The following THBS2 variants were observed in gnomAD, a reference collection of about 807,000 sequenced individuals.
The protein encoded by THBS2 is thrombospondin-2.
Under a neutral mutation model 135.2 loss-of-function variants are expected in THBS2, and 47 were observed. That is an observed-to-expected ratio of 0.35 (90% CI 0.28 to 0.44). The LOEUF is 0.44. Among genes scored for constraint, THBS2 ranks in the 20% least tolerant of loss-of-function variants. THBS2 has a pLI of 1.00. For synonymous variants in THBS2, 639 were observed against 633.8 expected, an observed-to-expected ratio of 1.01 and a Z score of -0.12; for missense variants, 1,288 against 1,603.1, an observed-to-expected ratio of 0.80 and a Z score of 3.36.
intron 9 of THBS2, among the ~76,000 whole-genome samples, chr6:169,235,315 C>G (rs1165289868): frequency 6.6e-6 from 1 of 152,034 alleles, no homozygotes; most frequent in Non-Finnish European, 1.5e-5. Flanking sequence ...AGCCACCGTG[C>G]CCGGCCCCAC....
intron 21 of THBS2, among the ~76,000 whole-genome samples, chr6:169,218,588 T>G (rs1410994221): frequency 1.1e-4 from 8 of 71,496 alleles, no homozygotes; most frequent in South Asian, 5.0e-4. Flanking sequence ...ATGGATGAGA[T>G]GGGTGGGTGT....
chr6:169,244,001 G>A (rs1353431868), intron 4 of THBS2, among the ~76,000 whole-genome samples: 1 of 152,084 alleles, frequency 6.6e-6, no homozygotes, highest in African/African-American at 2.4e-5. Context: ...TGAAGAAGAA[G>A]TCTTTGTTGT....
chr6:169,241,687 G>C lies in THBS2; in HGVS notation c.891+75C>G. On this transcript the variant is annotated intron_variant, in intron 5 of 21. Coordinates refer to ENST00000617924, the MANE Select transcript of THBS2 (RefSeq NM_003247.5). The surrounding 1 kb of genome is among the most constrained non-coding windows in gnomAD (Gnocchi z 5.5). ...AGGCACTGCCAAGCCAGGGAATGTT[G>C]ATACCTGCTGAGATGGGCCAGCGGC... 1 of 1,454,206 alleles carries C rather than the reference G, an allele frequency of 6.9e-7. No homozygotes were observed. Among genetic ancestry groups the C allele is most frequent in the African/African-American group, 1.4e-5 (1 of 71,542 alleles). The allele number at this position is 1,454,206 out of a possible 1,614,324, so 90.1% of individuals were successfully genotyped here.
chr6:169,242,857 C>A (rs1356935907), intron 4 of THBS2, among the ~76,000 whole-genome samples: 4 of 83,968 alleles, frequency 4.8e-5, no homozygotes, highest in Admixed American at 1.3e-4. Context: ...CTGCTCCCAC[C>A]TTCCCACCTT....
At chr6:169,240,113 T>C (rs999903637) in intron 6 of THBS2, among the ~76,000 whole-genome samples, 2 of 152,170 alleles carry the variant, frequency 1.3e-5, no homozygotes, top group Non-Finnish European at 2.9e-5. Flanking sequence ...CCCCCAAACG[T>C]TTCTGCTGAG....
At chr6:169,228,067 TC>T in intron 15 of THBS2, 54 bp downstream of exon 15, 1 of 1,512,708 alleles carries the variant, frequency 6.6e-7, no homozygotes, top group East Asian at 2.3e-5. Context: ...ATAGTGAAAC[TC>T]CATCTCAAAA....
Position 169,237,182 on chromosome 6 carries a change from C to A in THBS2, c.1465G>T (p.Ala489Ser). Reference sequence around the variant, plus strand: ...TCACCGTACTTACTTGGGCATGGGGCGCCCTGGCAGGCTTTGGTCTCCCGG... The same window carrying A: ...TCACCGTACTTACTTGGGCATGGGGAGCCCTGGCAGGCTTTGGTCTCCCGG... ...SGRETKACQG[A>S]PCPIDGRWSP... is the part of the protein sequence containing the mutation. The change falls in exon 9 of 22, where the codon GCC becomes TCC. Residue 489 changes from alanine (A) to serine (S), a missense_variant. Physicochemically the swap from Ala to Ser is moderately conservative, Grantham distance 99 (BLOSUM62 1). Around this residue, in one of 2 missense-constraint regions of THBS2, gnomAD observed 874 missense variants for 1,156.1 expected, o/e 0.76. Coordinates refer to ENST00000617924, the MANE Select transcript of THBS2 (RefSeq NM_003247.5). The A allele has an allele frequency of 6.2e-7, 1 of 1,607,116 alleles. No individual in the cohort carries two copies. Among genetic ancestry groups the A allele is most frequent in the Non-Finnish European group, 8.5e-7 (1 of 1,178,984 alleles).
intron 17 of THBS2, among the ~76,000 whole-genome samples, chr6:169,223,713 C>G (rs1779516578): frequency 6.6e-6 from 1 of 152,116 alleles, no homozygotes; most frequent in Non-Finnish European, 1.5e-5. Flanking sequence ...ACAGCAAAGG[C>G]CAGCACAGCA....
At chr6:169,222,042 T>C (rs1430373057) in intron 19 of THBS2, among the ~76,000 whole-genome samples, 155 bp downstream of exon 19, 1 of 152,242 alleles carries the variant, frequency 6.6e-6, no homozygotes, top group East Asian at 1.9e-4. Context: ...CCAGGCACAG[T>C]GTCTATAATA....
Position 169,241,981 on chromosome 6 carries a change from C to G in THBS2, c.695-23G>C. ...CAGCTGAGGGCAAGCGTAGAAGGGC[C>G]GTGAGCATCACAGAGGACGGGGCCA... On this transcript the variant is annotated intron_variant, in intron 4 of 21. Coordinates refer to ENST00000617924, the MANE Select transcript of THBS2 (RefSeq NM_003247.5). This position sits in a 1 kb window ranked among gnomAD's most constrained non-coding sequence, Gnocchi z 5.5. 1 of 1,592,032 alleles carries G rather than the reference C, an allele frequency of 6.3e-7. No homozygotes were observed. Among genetic ancestry groups the G allele is most frequent in the Non-Finnish European group, 8.6e-7 (1 of 1,167,046 alleles).
intron 15 of THBS2, 78 bp from the exon 16 acceptor site, chr6:169,226,376 C>T: frequency 8.9e-7 from 1 of 1,128,742 alleles, no homozygotes. Context: ...CATTGTTTTT[C>T]CTATCACACG....
Position 169,248,799 on chromosome 6 carries a change from T to C in THBS2, c.227A>G (p.Lys76Arg), listed in dbSNP as rs374950493. 1 of 1,611,364 alleles carries C rather than the reference T, an allele frequency of 6.2e-7. No individual in the cohort carries two copies. Among genetic ancestry groups the C allele is most frequent in the Non-Finnish European group, 8.5e-7 (1 of 1,180,012 alleles). The change falls in exon 3 of 22, where the codon AAG (lysine) becomes AGG (arginine). Residue 76 changes from lysine to arginine, a missense_variant. Transcript: ENST00000617924. Reference sequence around the variant, plus strand: ...GAAGCCCTCCTTCTGCCGCATGATCTTGGTGATCTTGCTGAGGTCATCTGC... The same window carrying C: ...GAAGCCCTCCTTCTGCCGCATGATCCTGGTGATCTTGCTGAGGTCATCTGC... ...VNADDLSKIT[K>R]IMRQKEGFFL...
chr6:169,241,405 GTGTGTGTGTGTATGTGTGTGTA>G lies in THBS2; in HGVS notation c.891+335_891+356del, dbSNP rs1351957337. ...TAAAATTATTTTCCTCTGCAGGTGT[GTGTGTGTGTGTATGTGTGTGTA>G]TGTGTGTGTGTATGTGTGTGTGTGT... On this transcript the variant is annotated intron_variant, in intron 5 of 21. Coordinates refer to ENST00000617924, the MANE Select transcript of THBS2 (RefSeq NM_003247.5). This position sits in a 1 kb window ranked among gnomAD's most constrained non-coding sequence, Gnocchi z 5.5. Among the ~76,000 whole-genome samples the G allele has an allele frequency of 5.3e-5, 6 of 114,050 alleles. No homozygotes were observed. The highest frequency in any genetic ancestry group is 2.5e-4 in the East Asian group (1 of 4,006). The allele number at this position is 114,050 out of a possible 152,430, so 74.8% of individuals were successfully genotyped here.
At chr6:169,242,275 A>G (rs1254217473) in intron 4 of THBS2, among the ~76,000 whole-genome samples, 1 of 152,052 alleles carries the variant, frequency 6.6e-6, no homozygotes, top group East Asian at 1.9e-4. Context: ...TCAGCATAGG[A>G]GAGGCCTGCA....
chr6:169,244,343 A>ACACACACACAC (rs1562364006), intron 4 of THBS2, among the ~76,000 whole-genome samples: 1 of 66,496 alleles, frequency 1.5e-5, no homozygotes, highest in African/African-American at 7.6e-5. Context: ...CACACACACA[A>ACACACACACAC]GGTGTTTGCT....
At chr6:169,242,828 C>T (rs1780386906) in intron 4 of THBS2, among the ~76,000 whole-genome samples, 2 of 130,680 alleles carry the variant, frequency 1.5e-5, no homozygotes. Context: ...TCCCACCTTC[C>T]CACCTTCCCA....
In THBS2 at chr6:169,217,888, TTTA is replaced by T; in HGVS notation, c.3512-62_3512-60del. ...AGCATAACTGGGCCATGGGTAGTGA[TTTA>T]TTTTGTTTTACCTAGAACCAGAAAT... On this transcript the variant is annotated intron_variant, in intron 21 of 21. Transcript: ENST00000617924. 5 of 1,514,146 alleles carry T rather than the reference TTTA, an allele frequency of 3.3e-6. No individual in the cohort carries two copies. In the South Asian group the frequency reaches 6.0e-5, roughly 18 times the overall value. The allele number at this position is 1,514,146 out of a possible 1,614,324, so 93.8% of individuals were successfully genotyped here. A position where few individuals can be genotyped will look rare whatever the true frequency, so the allele number is the denominator to read the frequency against.
chr6:169,218,679 AGATG>A (rs138854334), intron 21 of THBS2, among the ~76,000 whole-genome samples: 14 of 129,618 alleles, frequency 1.1e-4, no homozygotes, highest in South Asian at 2.7e-4. Context: ...GCGGATGAGT[AGATG>A]GATGGATGGG....
In THBS2 at chr6:169,217,993, GAGATGGGTGGGT is replaced by G. The variant is rs572387296; in HGVS notation, c.3512-176_3512-165del. Among the ~76,000 whole-genome samples, 254 of 100,652 alleles carry G rather than the reference GAGATGGGTGGGT, an allele frequency of 2.5e-3. 1 individual carries two copies. In the Middle Eastern group the frequency reaches 0.026, roughly 10 times the overall value. The allele number at this position is 100,652 out of a possible 152,430, so 66.0% of individuals were successfully genotyped here. A position where few individuals can be genotyped will look rare whatever the true frequency, so the allele number is the denominator to read the frequency against. Reference sequence around the variant, plus strand: ...GGATGAAATGGATGGGTGGATGGATGAGATGGGTGGGTGGATGGATGAGATGGGTCGGTGGGT... The same window carrying G: ...GGATGAAATGGATGGGTGGATGGATGGGATGGATGAGATGGGTCGGTGGGT... On this transcript the variant is annotated intron_variant, in intron 21 of 21. Coordinates refer to ENST00000617924, the MANE Select transcript of THBS2 (RefSeq NM_003247.5).
Sources: gnomAD v4.1 joint callset for allele counts (sites outside exome capture counted in the v4.1 genomes callset) on GRCh38, gnomAD v4.1.1 for gene constraint, gnomAD v4.1.1 regional missense constraint, Gnocchi (gnomAD v3.1) non-coding constraint, MANE v1.5 for transcripts, NCBI Gene and HGNC (gene_info 2026-07-23, HGNC 2026-07-21) for gene names.